Variants in STXBP4 observed in about 807,000 individuals in gnomAD.
The protein encoded by STXBP4 is syntaxin binding protein 4.
STXBP4 carries 55 observed loss-of-function variants against 76.1 expected under a neutral mutation model. The ratio of observed to expected loss-of-function variants is 0.72; its 90% confidence interval spans 0.58 to 0.91. The LOEUF (loss-of-function observed/expected upper bound fraction) is 0.91. Ranked by LOEUF, STXBP4 falls within the 40% of genes least tolerant of loss-of-function variation. The probability of loss-of-function intolerance (pLI) is 0.00; values close to 1 mark genes in which losing one functional copy is unlikely to be tolerated. For synonymous variants in STXBP4, 201 were observed against 220.2 expected, an observed-to-expected ratio of 0.91 and a Z score of 0.77; for missense variants, 618 against 636.9, an observed-to-expected ratio of 0.97 and a Z score of 0.32.
At chr17:55,037,328 A>T (rs975218627) in intron 10 of STXBP4, among the ~76,000 whole-genome samples, 1 of 152,186 alleles carries the variant, frequency 6.6e-6, no homozygotes, top group Non-Finnish European at 1.5e-5. Context: ...GTTTACAACA[A>T]GCCAATGAAA....
chr17:55,100,437 A>C (rs560258595), intron 16 of STXBP4, among the ~76,000 whole-genome samples: 7 of 152,370 alleles, frequency 4.6e-5, no homozygotes, highest in Admixed American at 3.9e-4. Context: ...CAAGTAAATC[A>C]AGGGAAGCTT....
chr17:55,102,453 A>G (rs2079578597), intron 16 of STXBP4, among the ~76,000 whole-genome samples: 1 of 152,174 alleles, frequency 6.6e-6, no homozygotes, highest in Non-Finnish European at 1.5e-5. Flanking sequence ...AAAGGGCATG[A>G]ACTCATCTTT....
chr17:55,210,493 G>T, the STXBP4 span, among the ~76,000 whole-genome samples: 143 of 152,322 alleles, frequency 9.4e-4, no homozygotes, highest in African/African-American at 3.2e-3. Flanking sequence ...TGAGAGGCCT[G>T]TATTACTTCT....
chr17:55,086,212 G>A (rs1206064542), intron 16 of STXBP4, among the ~76,000 whole-genome samples: 1 of 151,798 alleles, frequency 6.6e-6, no homozygotes, highest in Non-Finnish European at 1.5e-5. Flanking sequence ...TTCCAGGCTG[G>A]TTATAAATTA....
chr17:55,010,346 T>C (rs1325726953), intron 8 of STXBP4, among the ~76,000 whole-genome samples: 1 of 152,054 alleles, frequency 6.6e-6, no homozygotes, highest in Non-Finnish European at 1.5e-5. Context: ...TTTTATTGGT[T>C]TAAGTAGAGA....
At chr17:55,105,848 G>T (rs1395594194) in intron 16 of STXBP4, among the ~76,000 whole-genome samples, 1 of 152,034 alleles carries the variant, frequency 6.6e-6, no homozygotes, top group Admixed American at 6.6e-5. Flanking sequence ...ACATTCTTTT[G>T]CATTTGCTGA....
intron 16 of STXBP4, among the ~76,000 whole-genome samples, chr17:55,120,161 A>G (rs1598329873): frequency 1.3e-5 from 2 of 152,222 alleles, no homozygotes; most frequent in South Asian, 4.1e-4. Context: ...CTTAGAGGAC[A>G]TGAGAAAGAG....
chr17:55,158,291 A>G (rs569844968), intron 17 of STXBP4, among the ~76,000 whole-genome samples: 2 of 152,332 alleles, frequency 1.3e-5, no homozygotes, highest in East Asian at 1.9e-4. Context: ...ATGTTACTTT[A>G]TAATGTAGGA....
intron 16 of STXBP4, among the ~76,000 whole-genome samples, chr17:55,089,036 C>A (rs1218809040): frequency 3.9e-5 from 6 of 152,194 alleles, no homozygotes; most frequent in African/African-American, 1.4e-4. Flanking sequence ...AATTGTTCAT[C>A]CAATTTCATT....
chr17:55,174,218 T>C (rs544919591), downstream of STXBP4, among the ~76,000 whole-genome samples: 40 of 152,352 alleles, frequency 2.6e-4, no homozygotes, highest in Admixed American at 7.8e-4. Flanking sequence ...TGAGCATTTG[T>C]AGGGGAGAAT....
At chr17:55,089,530 G>C (rs1422416585) in intron 16 of STXBP4, among the ~76,000 whole-genome samples, 1 of 152,222 alleles carries the variant, frequency 6.6e-6, no homozygotes, top group Non-Finnish European at 1.5e-5. Context: ...AGTGAAAACA[G>C]TCTGAAAACA....
chr17:55,166,187 T>A lies in STXBP4; in HGVS notation c.*6276T>A. 1 of 152,240 alleles carries A rather than the reference T, an allele frequency of 6.6e-6. No individual in the cohort carries two copies. Among genetic ancestry groups the A allele is most frequent in the East Asian group, 1.9e-4 (1 of 5,202 alleles). The allele number at this position is 152,240 out of a possible 1,614,324, so 9.4% of individuals were successfully genotyped here. On this transcript the variant is annotated 3_prime_UTR_variant, in exon 18 of 18. Coordinates refer to ENST00000376352, the MANE Select transcript of STXBP4 (RefSeq NM_178509.6). ...TTCCTTAGGCAGCGATTTACCTAAT[T>A]GGTGAGTTTAGGATTAAAAAAAGGA...
the STXBP4 span, among the ~76,000 whole-genome samples, chr17:55,205,976 GTTAA>G: frequency 2.6e-5 from 4 of 151,628 alleles, no homozygotes; most frequent in African/African-American, 4.8e-5. Flanking sequence ...TAAAAGAATG[GTTAA>G]TTAAATATTC....
intron 16 of STXBP4, among the ~76,000 whole-genome samples, chr17:55,106,831 G>A (rs1262731257): frequency 6.6e-6 from 1 of 152,020 alleles, no homozygotes. Context: ...TTCGCTTTGT[G>A]GGTTACCTGA....
rs560023888 is a variant in STXBP4 at position 55,034,334 on chromosome 17, G to A, written c.855+75G>A. On this transcript the variant is annotated intron_variant, in intron 10 of 17. Coordinates refer to ENST00000376352, the MANE Select transcript of STXBP4 (RefSeq NM_178509.6). ...TGAATGTTATATGTCATATGTGTAG[G>A]CTTTTTTCACTTAAAAATAGAAATA... is the stretch of plus-strand genomic sequence containing the variant. The A allele has an allele frequency of 2.2e-3, 2,037 of 918,498 alleles. 3 individuals carry two copies. The highest frequency in any genetic ancestry group is 2.6e-3 in the Non-Finnish European group (1,643 of 637,414). The allele number at this position is 918,498 out of a possible 1,614,324, so 56.9% of individuals were successfully genotyped here.
intron 17 of STXBP4, among the ~76,000 whole-genome samples, chr17:55,151,597 C>T (rs567386638): frequency 6.6e-6 from 1 of 152,272 alleles, no homozygotes; most frequent in East Asian, 1.9e-4. Context: ...TGCCTAGAAA[C>T]ATGGCTTTGG....
At chr17:54,969,037 G>T (rs2077337874) in intron 1 of STXBP4, among the ~76,000 whole-genome samples, 1 of 152,168 alleles carries the variant, frequency 6.6e-6, no homozygotes, top group East Asian at 1.9e-4. Context: ...CTTGGCCGCT[G>T]GCTCCTGTGC....
At chr17:55,198,300 G>A in the STXBP4 span, among the ~76,000 whole-genome samples, 4 of 152,190 alleles carry the variant, frequency 2.6e-5, no homozygotes, top group African/African-American at 9.7e-5. Context: ...TGTTACTTAG[G>A]TGTGGAAAGT....
intron 16 of STXBP4, among the ~76,000 whole-genome samples, chr17:55,138,809 G>A (rs1015529141): frequency 6.6e-6 from 1 of 152,012 alleles, no homozygotes; most frequent in Non-Finnish European, 1.5e-5. Context: ...ATAAGCTGGT[G>A]GAAATCAGAA....
Sources: gnomAD v4.1 joint callset for allele counts (sites outside exome capture counted in the v4.1 genomes callset) on GRCh38, gnomAD v4.1.1 for gene constraint, MANE v1.5 for transcripts, NCBI Gene and HGNC (gene_info 2026-07-23, HGNC 2026-07-21) for gene names.